The following BRINP1 variants were observed in gnomAD, a reference collection of about 807,000 sequenced individuals.
BRINP1 encodes BMP/retinoic acid inducible neural specific 1.
BRINP1 carries 17 observed loss-of-function variants against 72.9 expected under a neutral mutation model. The ratio of observed to expected loss-of-function variants is 0.23; its 90% confidence interval spans 0.16 to 0.35. The LOEUF (loss-of-function observed/expected upper bound fraction) is 0.35, where lower values mean the gene tolerates loss of function less well. Ranked by LOEUF, BRINP1 falls within the 10% of genes least tolerant of loss-of-function variation. BRINP1 has a pLI of 1.00. For missense variants in BRINP1, 850 were observed against 1,001.6 expected (o/e 0.85, Z 2.04); for synonymous variants, 418 against 378.5 (o/e 1.10, Z -1.21).
chr9:119,267,636 C>A (rs1588184269), intron 2 of BRINP1, among the ~76,000 whole-genome samples: 1 of 145,060 alleles, frequency 6.9e-6, no homozygotes, highest in Non-Finnish European at 1.5e-5. Context: ...AACTCCATCT[C>A]AATAAATAAA....
chr9:119,342,165 T>C (rs1445980210), intron 1 of BRINP1, among the ~76,000 whole-genome samples: 1 of 151,300 alleles, frequency 6.6e-6, no homozygotes, highest in Non-Finnish European at 1.5e-5. Context: ...TAAACAAAAA[T>C]GGTTGTATTG....
intron 1 of BRINP1, among the ~76,000 whole-genome samples, chr9:119,366,196 T>C (rs1831689246): frequency 6.6e-6 from 1 of 152,178 alleles, no homozygotes; most frequent in Non-Finnish European, 1.5e-5. Flanking sequence ...TAAGCACACC[T>C]ATGCATGTGT....
intron 7 of BRINP1, among the ~76,000 whole-genome samples, chr9:119,199,070 T>C (rs897125083): frequency 6.6e-6 from 1 of 152,170 alleles, no homozygotes; most frequent in African/African-American, 2.4e-5. Context: ...CTCTGTGGGG[T>C]AGCTATTCTT....
chr9:119,289,344 T>A (rs1005081814), intron 2 of BRINP1, among the ~76,000 whole-genome samples: 1 of 152,184 alleles, frequency 6.6e-6, no homozygotes, highest in Non-Finnish European at 1.5e-5. Context: ...TGTAAGACGA[T>A]GAAGAACTGG....
At chr9:119,193,727 A>G (rs1389186237) in intron 7 of BRINP1, among the ~76,000 whole-genome samples, 1 of 152,228 alleles carries the variant, frequency 6.6e-6, no homozygotes, top group Admixed American at 6.5e-5. Context: ...AATGTTTTAC[A>G]CTGGAAAAAT....
In BRINP1 at chr9:119,181,192, G is replaced by A. The variant is rs186769269; in HGVS notation, c.1146-12968C>T. The stretch of plus-strand genomic sequence containing the variant: ...TCCCTGGTGGAGGGCTACAAGAGTG[G>A]TTTATTCTTCTTGGGCAGTAGTTAG... On this transcript the variant is annotated intron_variant, in intron 7 of 7. Coordinates refer to ENST00000265922, the MANE Select transcript of BRINP1 (RefSeq NM_014618.3). 9.9e-4 allele frequency among the ~76,000 whole-genome samples: 150 copies of A among 152,274 alleles called. 1 individual carries two copies. Among genetic ancestry groups the A allele is most frequent in the African/African-American group, 3.3e-3 (136 of 41,562 alleles).
chr9:119,167,456 C>G lies in BRINP1; in HGVS notation c.1914G>C (p.Val638=). 6 of 1,614,066 alleles carry G rather than the reference C, an allele frequency of 3.7e-6. No homozygotes were observed. Among genetic ancestry groups the G allele is most frequent in the Non-Finnish European group, 4.2e-6 (5 of 1,179,998 alleles). ...LLRNETGQGP[V]DLSDPSKRQF... Reference sequence around the variant, plus strand: ...GCCTCTTGGAGGGATCCGACAGGTCCACGGGGCCCTGGCCAGTCTCATTTC... The same window carrying G: ...GCCTCTTGGAGGGATCCGACAGGTCGACGGGGCCCTGGCCAGTCTCATTTC... Residue 638 remains valine, a synonymous_variant, in exon 8 of 8, where the codon GTG becomes GTC. Coordinates refer to ENST00000265922, the MANE Select transcript of BRINP1 (RefSeq NM_014618.3). The surrounding 1 kb of genome is among the most constrained non-coding windows in gnomAD (Gnocchi z 4.3).
chr9:119,353,522 G>A (rs1023821750), intron 1 of BRINP1, among the ~76,000 whole-genome samples: 1 of 152,150 alleles, frequency 6.6e-6, no homozygotes, highest in African/African-American at 2.4e-5. Flanking sequence ...TCATGTTAGA[G>A]TTCCTTCCTT....
rs565853915 is a variant in BRINP1, at chr9:119,166,929, C to G, written c.*155G>C. 3 of 798,432 alleles carry G rather than the reference C, an allele frequency of 3.8e-6. No homozygotes were observed. Among genetic ancestry groups the G allele is most frequent in the Non-Finnish European group, 2.0e-6 (1 of 506,316 alleles). The allele number at this position is 798,432 out of a possible 1,614,324, so 49.5% of individuals were successfully genotyped here. A position where few individuals can be genotyped will look rare whatever the true frequency, so the allele number is the denominator to read the frequency against. The stretch of plus-strand genomic sequence containing the variant: ...CAACGCTTTTATACAGTTGCTAGAA[C>G]GTTTTCATTTCCAACAAATGAAGAT... On this transcript the variant is annotated 3_prime_UTR_variant, in exon 8 of 8. Transcript: ENST00000265922.
rs1564219671 is a variant in BRINP1, at chr9:119,216,967, G to A, written c.686-2812C>T. ...TAAAAATGGAAACTCAGAACATGCC[G>A]AGCTGTCTTGGAGGCAGAATCTCCT... On this transcript the variant is annotated intron_variant, in intron 5 of 7. Coordinates refer to ENST00000265922, the MANE Select transcript of BRINP1 (RefSeq NM_014618.3). Among the ~76,000 whole-genome samples, 3 of 152,182 alleles carry A rather than the reference G, an allele frequency of 2.0e-5. No individual in the cohort carries two copies. In the East Asian group the frequency reaches 5.8e-4, roughly 29 times the overall value.
chr9:119,212,449 A>G (rs1342572016), intron 6 of BRINP1, among the ~76,000 whole-genome samples: 1 of 152,216 alleles, frequency 6.6e-6, no homozygotes, highest in East Asian at 1.9e-4. Flanking sequence ...GGCCTGGGGG[A>G]CAAAGTAAAA....
rs897199587 is a variant in BRINP1, at chr9:119,286,271, C to T, written c.218+26867G>A. Among the ~76,000 whole-genome samples, 12 of 150,570 alleles carry T rather than the reference C, an allele frequency of 8.0e-5. No homozygotes were observed. The East Asian group carries it at 1.2e-3, about 15-fold the overall frequency. On this transcript the variant is annotated intron_variant, in intron 2 of 7. Transcript: ENST00000265922. ...TTTTTGAGACGGAGTCTTGCTCTGT[C>T]GCCAGGGCTGGAGTGCAGTGGCGTG...
At chr9:119,199,625 A>T (rs188214629) in intron 7 of BRINP1, among the ~76,000 whole-genome samples, 2 of 152,278 alleles carry the variant, frequency 1.3e-5, no homozygotes, top group Admixed American at 1.3e-4. Context: ...TCTGCCCTCA[A>T]GTTAAGCTTC....
intron 2 of BRINP1, among the ~76,000 whole-genome samples, chr9:119,285,086 C>T (rs776606407): frequency 2.6e-5 from 4 of 151,992 alleles, no homozygotes; most frequent in Non-Finnish European, 5.9e-5. Context: ...ATTTTGCCTG[C>T]CACTGAGAAA....
chr9:119,276,944 C>T (rs970509403), intron 2 of BRINP1, among the ~76,000 whole-genome samples: 1 of 152,110 alleles, frequency 6.6e-6, no homozygotes, highest in Non-Finnish European at 1.5e-5. Context: ...TAAAGAACAG[C>T]TCCATCATCC....
chr9:119,250,815 T>C (rs1257283801), intron 2 of BRINP1, among the ~76,000 whole-genome samples: 1 of 151,956 alleles, frequency 6.6e-6, no homozygotes, highest in Admixed American at 6.6e-5. Context: ...CTCGGTCCCT[T>C]GAGGAAAACA....
intron 5 of BRINP1, among the ~76,000 whole-genome samples, chr9:119,217,272 G>C (rs556072454): frequency 6.6e-6 from 1 of 151,634 alleles, no homozygotes; most frequent in African/African-American, 2.4e-5. Context: ...TACAGCTGCC[G>C]GCTGGGGTGA....
intron 1 of BRINP1, among the ~76,000 whole-genome samples, chr9:119,349,102 G>C (rs1831477413): frequency 6.6e-6 from 1 of 151,984 alleles, no homozygotes; most frequent in Admixed American, 6.6e-5. Flanking sequence ...CAAAAATATA[G>C]TCCTTATGAA....
chr9:119,251,272 C>T (rs570631457), intron 2 of BRINP1, among the ~76,000 whole-genome samples: 1 of 152,286 alleles, frequency 6.6e-6, no homozygotes, highest in East Asian at 1.9e-4. Context: ...GTCACAGTCC[C>T]TGTCCTTAAG....
Sources: gnomAD v4.1 joint callset for allele counts (sites outside exome capture counted in the v4.1 genomes callset) on GRCh38, gnomAD v4.1.1 for gene constraint, Gnocchi (gnomAD v3.1) non-coding constraint, MANE v1.5 for transcripts, NCBI Gene and HGNC (gene_info 2026-07-23, HGNC 2026-07-21) for gene names.